Variants in DENND3 observed in about 807,000 individuals in gnomAD.
DENND3 encodes the protein DENN domain containing 3.
Under a neutral mutation model 135.1 loss-of-function variants are expected in DENND3, and 88 were observed. The observed-to-expected ratio is 0.65, with a 90% CI of 0.55 to 0.78. DENND3 has a LOEUF of 0.78. DENND3 is among the 30% of genes least tolerant of loss of function. The pLI, the probability that DENND3 is intolerant of heterozygous loss-of-function variation, is 0.00. For missense variants in DENND3, 1,392 were observed against 1,688.4 expected (o/e 0.82, Z 3.08); for synonymous variants, 693 against 712.3 (o/e 0.97, Z 0.43).
chr8:141,190,402 G>A lies in DENND3; in HGVS notation c.3364G>A (p.Gly1122Ser), dbSNP rs1443805758. 1.7e-5 allele frequency: 28 copies of A among 1,609,364 alleles called. No individual in the cohort carries two copies. Among genetic ancestry groups the A allele is most frequent in the South Asian group, 5.5e-5 (5 of 90,290 alleles). Reference protein sequence around the residue: ...GGLTSIRLHGGRLWCCTGNSI... With the variant: ...GGLTSIRLHGSRLWCCTGNSI... ...CCTGACGTCCATCAGACTGCACGGC[G>A]GCCGCCTGTGGTGCTGTAAGTCCGG... The change falls in exon 20 of 23, where the codon GGC (glycine) becomes AGC (serine). Residue 1122 changes from glycine (G) to serine (S), a missense_variant. Gly to Ser is a moderately conservative substitution (Grantham distance 56). Coordinates refer to ENST00000519811, the MANE Select transcript of DENND3 (RefSeq NM_001352890.3).
intron 18 of DENND3, among the ~76,000 whole-genome samples, chr8:141,186,341 G>A (rs1407678477): frequency 6.6e-6 from 1 of 152,120 alleles, no homozygotes; most frequent in Non-Finnish European, 1.5e-5. Flanking sequence ...CTGTCCCCAC[G>A]TGCCAGGTGG....
In DENND3 at chr8:141,185,123, C is replaced by CT. The variant is rs1452386526; in HGVS notation, c.2945-15dup. The CT allele has an allele frequency of 1.2e-6, 2 of 1,607,630 alleles. No individual in the cohort carries two copies. The highest frequency in any genetic ancestry group is 3.4e-5 in the Admixed American group (2 of 59,676). On this transcript the variant is annotated splice_polypyrimidine_tract_variant and intron_variant, in intron 17 of 22. Transcript: ENST00000519811. ...AGTGTTTCCTCCTAACAGTTTTGTGCTGCTCTCCTCTTTAGGGCATCTTGA... is the reference window on the plus strand; with the variant it reads ...AGTGTTTCCTCCTAACAGTTTTGTGCTTGCTCTCCTCTTTAGGGCATCTTGA...
chr8:141,169,851 A>T (rs182212587), intron 13 of DENND3, among the ~76,000 whole-genome samples: 1,528 of 152,254 alleles, frequency 0.01, 16 homozygotes, highest in Middle Eastern at 0.068. Flanking sequence ...ATTCACTTCA[A>T]CCACTGCCTG....
chr8:141,170,800 C>T lies in DENND3; in HGVS notation c.2275+2275C>T, dbSNP rs781395993. On this transcript the variant is annotated intron_variant, in intron 13 of 22. Transcript: ENST00000519811. ...TCCAGGGCATGCATGGAGGCTCCTC[C>T]GTGTCATCTAGCGCCAGCTCCTTCT... Among the ~76,000 whole-genome samples the T allele has an allele frequency of 8.5e-4, 129 of 152,328 alleles. 1 individual carries two copies. Among genetic ancestry groups the T allele is most frequent in the South Asian group, 4.1e-4 (2 of 4,832 alleles).
Position 141,138,934 on chromosome 8 carries a change from G to C in DENND3, c.501+797G>C, listed in dbSNP as rs1171057368. Among the ~76,000 whole-genome samples, 1 of 152,176 alleles carries C rather than the reference G, an allele frequency of 6.6e-6. No homozygotes were observed. The highest frequency in any genetic ancestry group is 2.4e-5 in the African/African-American group (1 of 41,430). ...GGGTTGTTTCCGCCTTTTGTCTTTG[G>C]TGTGAGCGACTGGCGTTTAGACTTT... On this transcript the variant is annotated intron_variant, in intron 3 of 22. Transcript: ENST00000519811. The surrounding 1 kb of genome is among the most constrained non-coding windows in gnomAD (Gnocchi z 4.8).
Position 141,182,261 on chromosome 8 carries a change from G to A in DENND3, c.2944+1407G>A. On this transcript the variant is annotated intron_variant, in intron 17 of 22. Transcript: ENST00000519811. This position sits in a 1 kb window ranked among gnomAD's most constrained non-coding sequence, Gnocchi z 5.9. ...CACACGGAGCTCATGCTTCAGGTGG[G>A]CAGAGAAGCTGTGTGTGAAGCGATT... is the stretch of plus-strand genomic sequence containing the variant. 1 of 972,082 alleles carries A rather than the reference G, an allele frequency of 1.0e-6. No homozygotes were observed. Among genetic ancestry groups the A allele is most frequent in the East Asian group, 1.1e-4 (1 of 8,756 alleles). 60.2% of individuals were successfully genotyped at this position (972,082 alleles called of 1,614,324 possible).
chr8:141,150,432 A>G, intron 5 of DENND3: 1 of 716,982 alleles, frequency 1.4e-6, no homozygotes, highest in Non-Finnish European at 2.0e-6. Context: ...TGTCAAAGCT[A>G]TTAAAAGAGA....
intron 5 of DENND3, among the ~76,000 whole-genome samples, chr8:141,145,176 C>T (rs1325187877): frequency 6.6e-6 from 1 of 152,208 alleles, no homozygotes; most frequent in Non-Finnish European, 1.5e-5. Flanking sequence ...ATTTATGTAG[C>T]AAGGGCCTCA....
intron 13 of DENND3, among the ~76,000 whole-genome samples, chr8:141,171,921 T>C (rs557369998): frequency 7.0e-6 from 1 of 143,772 alleles, no homozygotes; most frequent in African/African-American, 2.6e-5. Context: ...TGGCCGAGGG[T>C]GTGCATGGTG....
chr8:141,191,885 T>G (rs375683904), intron 20 of DENND3: 1 of 154,128 alleles, frequency 6.5e-6, no homozygotes, highest in African/African-American at 2.4e-5. Context: ...TTTTTAAGCA[T>G]TATATTTTTG....
At position 141,144,279 on chromosome 8, in the gene DENND3, A is replaced by T; in HGVS notation, c.735+20A>T. The stretch of plus-strand genomic sequence containing the variant: ...CATTTGGTAAAGTATATCTGAAATT[A>T]TATTGTTTTTTCTTTGCAAATAGTA... On this transcript the variant is annotated intron_variant, in intron 5 of 22. Coordinates refer to ENST00000519811, the MANE Select transcript of DENND3 (RefSeq NM_001352890.3). This position sits in a 1 kb window ranked among gnomAD's most constrained non-coding sequence, Gnocchi z 4.4. 5 of 1,583,686 alleles carry T rather than the reference A, an allele frequency of 3.2e-6. No homozygotes were observed. Among genetic ancestry groups the T allele is most frequent in the Non-Finnish European group, 4.3e-6 (5 of 1,164,492 alleles).
chr8:141,166,479 G>A lies in DENND3; in HGVS notation c.1753+90G>A. The A allele has an allele frequency of 7.2e-7, 1 of 1,387,376 alleles. No homozygotes were observed. Among genetic ancestry groups the A allele is most frequent in the Non-Finnish European group, 9.7e-7 (1 of 1,026,288 alleles). The allele number at this position is 1,387,376 out of a possible 1,614,324, so 85.9% of individuals were successfully genotyped here. On this transcript the variant is annotated intron_variant, in intron 12 of 22. Coordinates refer to ENST00000519811, the MANE Select transcript of DENND3 (RefSeq NM_001352890.3). The surrounding 1 kb of genome is among the most constrained non-coding windows in gnomAD (Gnocchi z 4.3). ...TGAGCAAAACTGGGACTTGTTTCAGGAGAGACGAGTGGGCTTGTTTTAGCA... is the reference window on the plus strand; with the variant it reads ...TGAGCAAAACTGGGACTTGTTTCAGAAGAGACGAGTGGGCTTGTTTTAGCA...
At position 141,185,179 on chromosome 8, in the gene DENND3, C is replaced by T. The variant is rs780642485; in HGVS notation, c.2985C>T (p.Pro995=). The T allele has an allele frequency of 3.7e-6, 6 of 1,614,180 alleles. 1 individual carries two copies. The South Asian group carries it at 6.6e-5, about 18-fold the overall frequency. Residue 995 remains proline (P), a synonymous_variant, in exon 18 of 23, where the codon CCC becomes CCT. Transcript: ENST00000519811. ...CCGAAAAAGTTGAAGATGCTCACCC[C>T]AAGTTATGGTGTGCTCTGAGCGAAG... The part of the protein sequence containing the change: ...DPAEKVEDAH[P]KLWCALSEGK...
At position 141,128,948 on chromosome 8, in the gene DENND3, C is replaced by T; in HGVS notation, c.102+139C>T. 4.8e-6 allele frequency: 3 copies of T among 621,812 alleles called. No homozygotes were observed. Among genetic ancestry groups the T allele is most frequent in the Non-Finnish European group, 7.3e-6 (3 of 413,312 alleles). 38.5% of individuals were successfully genotyped at this position (621,812 alleles called of 1,614,324 possible). ...AGTCCCGGTCCCCCGGCGGTGACCC[C>T]GCGCGCCTGTGGCCGGGGATCGCGC... On this transcript the variant is annotated intron_variant, in intron 1 of 22. Transcript: ENST00000519811. This position sits in a 1 kb window ranked among gnomAD's most constrained non-coding sequence, Gnocchi z 4.5.
chr8:141,147,095 T>C (rs1045367883), intron 5 of DENND3, among the ~76,000 whole-genome samples: 3 of 152,142 alleles, frequency 2.0e-5, no homozygotes, highest in African/African-American at 7.2e-5. Context: ...TGACTGAGGG[T>C]TGCCGCTGGC....
At chr8:141,152,635 C>T (rs1818932789) in intron 7 of DENND3, among the ~76,000 whole-genome samples, 1 of 152,162 alleles carries the variant, frequency 6.6e-6, no homozygotes, top group Non-Finnish European at 1.5e-5. Context: ...ATGAGGTCGT[C>T]GTGATAAAAT....
intron 19 of DENND3, among the ~76,000 whole-genome samples, 175 bp from the exon 20 acceptor site, chr8:141,190,109 T>TGTTTGCAGGTTAC (rs996862994): frequency 2.0e-5 from 3 of 151,580 alleles, no homozygotes; most frequent in African/African-American, 7.3e-5. Context: ...GTTATTATCA[T>TGTTTGCAGGTTAC]GTTTGCAGGT....
At position 141,175,018 on chromosome 8, in the gene DENND3, C is replaced by T. The variant is rs954899603; in HGVS notation, c.2276-182C>T. Among the ~76,000 whole-genome samples, 2 of 152,188 alleles carry T rather than the reference C, an allele frequency of 1.3e-5. No homozygotes were observed. The highest frequency in any genetic ancestry group is 1.3e-4 in the Admixed American group (2 of 15,282). ...GCCCCTCCCTTGACAGCTGGACACACCTGGGCTGCAGGGAAGGCCCTGGGA... is the reference window on the plus strand; with the variant it reads ...GCCCCTCCCTTGACAGCTGGACACATCTGGGCTGCAGGGAAGGCCCTGGGA... On this transcript the variant is annotated intron_variant, in intron 13 of 22. Coordinates refer to ENST00000519811, the MANE Select transcript of DENND3 (RefSeq NM_001352890.3). This position sits in a 1 kb window ranked among gnomAD's most constrained non-coding sequence, Gnocchi z 5.4.
chr8:141,138,111 G>A lies in DENND3; in HGVS notation c.475G>A (p.Val159Met), dbSNP rs778046235. ...DVCGNRTYGV[V>M]AQYYRPLHDE... is the part of the protein sequence containing the mutation. ...CTGCGGGAATAGGACCTATGGCGTG[G>A]TGGCCCAGTACTACCGGCCCCTGCA... The change falls in exon 3 of 23, where the codon GTG becomes ATG. Residue 159 changes from valine (V) to methionine (M), a missense_variant. Transcript: ENST00000519811. This position sits in a 1 kb window ranked among gnomAD's most constrained non-coding sequence, Gnocchi z 4.8. 2 of 1,608,550 alleles carry A rather than the reference G, an allele frequency of 1.2e-6. No individual in the cohort carries two copies. The highest frequency in any genetic ancestry group is 1.1e-5 in the South Asian group (1 of 89,816).
Sources: allele counts gnomAD v4.1 joint callset (sites outside exome capture counted in the v4.1 genomes callset), GRCh38; gene constraint gnomAD v4.1.1; non-coding constraint Gnocchi (gnomAD v3.1); transcripts MANE v1.5; gene names NCBI Gene and HGNC (gene_info 2026-07-23, HGNC 2026-07-21).